Variants in XRCC4 observed in about 807,000 individuals in gnomAD.
XRCC4 encodes DNA repair protein XRCC4.
Under a neutral mutation model 39.1 loss-of-function variants are expected in XRCC4, and 28 were observed. The observed-to-expected ratio is 0.72, with a 90% CI of 0.53 to 0.98. The LOEUF (loss-of-function observed/expected upper bound fraction) is 0.98. XRCC4 is among the 50% of genes least tolerant of loss of function. The pLI, the probability that XRCC4 is intolerant of heterozygous loss-of-function variation, is 0.00. For missense variants in XRCC4, 350 were observed against 376.4 expected, an observed-to-expected ratio of 0.93 and a Z score of 0.58; for synonymous variants, 123 against 126.4, an observed-to-expected ratio of 0.97 and a Z score of 0.18.
At chr5:83,206,124 A>G (rs893630536) in intron 6 of XRCC4, among the ~76,000 whole-genome samples, 9 of 152,134 alleles carry the variant, frequency 5.9e-5, no homozygotes, top group African/African-American at 2.2e-4. Flanking sequence ...TTAACTTGGA[A>G]ACTACTGAAG....
At chr5:83,226,916 T>C (rs922380536) in intron 6 of XRCC4, among the ~76,000 whole-genome samples, 2 of 152,126 alleles carry the variant, frequency 1.3e-5, no homozygotes, top group Non-Finnish European at 2.9e-5. Context: ...TCATTGTTTT[T>C]TCAAATATTG....
chr5:83,137,892 G>T (rs1024804532), intron 3 of XRCC4, among the ~76,000 whole-genome samples: 1 of 152,166 alleles, frequency 6.6e-6, no homozygotes, highest in Non-Finnish European at 1.5e-5. Context: ...ATTTCAAACT[G>T]CAGCAAATCC....
intron 6 of XRCC4, among the ~76,000 whole-genome samples, chr5:83,209,083 A>AGTGTGTGTGTGTGTGTGTGT (rs35019637): frequency 1.3e-4 from 19 of 143,686 alleles, no homozygotes. Context: ...CTCCAAAGTG[A>AGTGTGTGTGTGTGTGTGTGT]GTGTGTGTGT....
intron 3 of XRCC4, among the ~76,000 whole-genome samples, chr5:83,120,475 T>C (rs984739898): frequency 2.0e-5 from 3 of 152,208 alleles, no homozygotes; most frequent in Admixed American, 6.5e-5. Context: ...CAGGCAGCCA[T>C]TGGGCTGCTT....
the XRCC4 span, among the ~76,000 whole-genome samples, chr5:83,370,948 C>G: frequency 6.6e-6 from 1 of 152,134 alleles, no homozygotes; most frequent in Non-Finnish European, 1.5e-5. Context: ...TCTCTGCTTT[C>G]CACTGCCTTC....
intron 1 of XRCC4, among the ~76,000 whole-genome samples, chr5:83,103,161 G>T (rs1166277677): frequency 1.3e-5 from 2 of 151,658 alleles, no homozygotes. Flanking sequence ...CGTGTCTGTG[G>T]ATAAAGACAG....
intron 3 of XRCC4, among the ~76,000 whole-genome samples, chr5:83,124,509 C>CT (rs1218116288): frequency 3.3e-5 from 5 of 152,050 alleles, no homozygotes; most frequent in Non-Finnish European, 2.9e-5. Flanking sequence ...ATGCACCACA[C>CT]TTTGTTTATT....
chr5:83,116,892 G>T lies in XRCC4; in HGVS notation c.315+5689G>T, dbSNP rs146531348. Among the ~76,000 whole-genome samples, 235 of 152,152 alleles carry T rather than the reference G, an allele frequency of 1.5e-3. 3 individuals are homozygous for T. In the East Asian group the frequency reaches 0.029, roughly 19 times the overall value. ...CTGCCTCGGCCTCCCAAAGTGCTGG[G>T]ATTATAGGCATGAGTCACTGTGCCC... is the stretch of plus-strand genomic sequence containing the variant. On this transcript the variant is annotated intron_variant, in intron 3 of 7. Transcript: ENST00000396027.
intron 7 of XRCC4, among the ~76,000 whole-genome samples, chr5:83,266,298 T>G (rs1753951130): frequency 6.6e-6 from 1 of 150,558 alleles, no homozygotes; most frequent in South Asian, 2.1e-4. Flanking sequence ...AGTGAAATTC[T>G]GTAACTTAAA....
At chr5:83,101,524 T>TG (rs60451574) in intron 1 of XRCC4, among the ~76,000 whole-genome samples, 9,148 of 152,130 alleles carry the variant, frequency 0.06, 987 homozygotes, top group East Asian at 0.48. Context: ...AATTTCTTTT[T>TG]TTTTTGTTGT....
At chr5:83,213,040 A>G (rs1158547881) in intron 6 of XRCC4, among the ~76,000 whole-genome samples, 1 of 151,956 alleles carries the variant, frequency 6.6e-6, no homozygotes, top group Non-Finnish European at 1.5e-5. Flanking sequence ...GACAGCATCA[A>G]TATAACAACA....
chr5:83,252,490 A>T (rs1753360781), intron 6 of XRCC4, among the ~76,000 whole-genome samples: 1 of 152,104 alleles, frequency 6.6e-6, no homozygotes, highest in South Asian at 2.1e-4. Context: ...GAAGATATAG[A>T]AGATAGCCTA....
At chr5:83,139,390 A>G (rs1748057031) in intron 3 of XRCC4, among the ~76,000 whole-genome samples, 1 of 152,200 alleles carries the variant, frequency 6.6e-6, no homozygotes, top group Non-Finnish European at 1.5e-5. Flanking sequence ...TGTGGGTGAT[A>G]TTAACTTTGA....
intron 3 of XRCC4, among the ~76,000 whole-genome samples, chr5:83,183,453 T>G (rs955999705): frequency 2.2e-5 from 3 of 138,432 alleles, no homozygotes; most frequent in Non-Finnish European, 3.1e-5. Context: ...TGTGTGTGTG[T>G]GGCACATCAA....
intron 3 of XRCC4, among the ~76,000 whole-genome samples, chr5:83,188,619 C>G (rs1226222308): frequency 6.6e-6 from 1 of 152,058 alleles, no homozygotes; most frequent in Non-Finnish European, 1.5e-5. Flanking sequence ...AGCTTCCAAT[C>G]ACGGCAGAAG....
At chr5:83,272,004 G>T (rs1754160043) in intron 7 of XRCC4, among the ~76,000 whole-genome samples, 1 of 152,128 alleles carries the variant, frequency 6.6e-6, no homozygotes, top group Admixed American at 6.5e-5. Context: ...TGATCCTGGG[G>T]TGCTGGACCA....
At chr5:83,197,978 A>G (rs182991603) in intron 4 of XRCC4, among the ~76,000 whole-genome samples, 1 of 152,246 alleles carries the variant, frequency 6.6e-6, no homozygotes. Flanking sequence ...CATCTTGATC[A>G]TGGCCAAGCA....
At chr5:83,209,157 C>A (rs1363390046) in intron 6 of XRCC4, among the ~76,000 whole-genome samples, 2 of 150,654 alleles carry the variant, frequency 1.3e-5, no homozygotes, top group African/African-American at 4.9e-5. Context: ...ATTATAGATA[C>A]TGTGAAACAG....
At chr5:83,358,294 A>G (rs1480020407), downstream of XRCC4, among the ~76,000 whole-genome samples, 1 of 151,996 alleles carries the variant, frequency 6.6e-6, no homozygotes, top group East Asian at 1.9e-4. Flanking sequence ...TCCCTTTCTT[A>G]TCTGCTCAAA....
Sources: gnomAD v4.1 joint callset for allele counts (sites outside exome capture counted in the v4.1 genomes callset) on GRCh38, gnomAD v4.1.1 for gene constraint, MANE v1.5 for transcripts, NCBI Gene and HGNC (gene_info 2026-07-23, HGNC 2026-07-21) for gene names.